The following NBPF3 variants were observed in gnomAD, a reference collection of about 807,000 sequenced individuals.
NBPF3 encodes the protein NBPF member 3, also known as NBPF family member NBPF3.
Under a neutral mutation model 78.1 loss-of-function variants are expected in NBPF3, and 57 were observed. The ratio of observed to expected loss-of-function variants is 0.73; its 90% CI spans 0.59 to 0.91. NBPF3 has a LOEUF of 0.91. Ranked by LOEUF, NBPF3 falls within the 40% of genes least tolerant of loss-of-function variation. The pLI is 0.00. For synonymous variants in NBPF3, 182 were observed against 271.7 expected (o/e 0.67, Z 3.25); for missense variants, 510 against 715.3 (o/e 0.71, Z 3.27).
intron 8 of NBPF3, among the ~76,000 whole-genome samples, 187 bp downstream of exon 8, chr1:21,475,138 A>G (rs1344801454): frequency 6.6e-6 from 1 of 152,156 alleles, no homozygotes; most frequent in Non-Finnish European, 1.5e-5. Context: ...TCCTCTCAAG[A>G]TAGGAACTTG....
chr1:21,450,155 G>A (rs546712312), intron 2 of NBPF3, among the ~76,000 whole-genome samples: 4 of 104,628 alleles, frequency 3.8e-5, no homozygotes, highest in African/African-American at 1.2e-4. Context: ...TGGGCTGGCT[G>A]TGTTTTTTTT....
At chr1:21,479,257 G>A in intron 9 of NBPF3, 92 bp from the exon 10 acceptor site, 3 of 1,318,138 alleles carry the variant, frequency 2.3e-6, no homozygotes, top group Non-Finnish European at 2.2e-6. Context: ...TGAGAAGACT[G>A]ATGTCCCTGT....
intron 11 of NBPF3, 118 bp from the exon 12 acceptor site, chr1:21,480,812 A>G: frequency 1.5e-6 from 1 of 679,318 alleles, no homozygotes; most frequent in South Asian, 1.5e-5. Flanking sequence ...TATCTCTCAC[A>G]TTGTCCTGTT....
chr1:21,448,104 A>G (rs1641094544), intron 2 of NBPF3, among the ~76,000 whole-genome samples: 3 of 152,060 alleles, frequency 2.0e-5, no homozygotes, highest in African/African-American at 7.2e-5. Context: ...TTCTCTTGAC[A>G]GTGTCTTTCA....
Position 21,480,038 on chromosome 1 carries a change from C to G in NBPF3, c.1209-13C>G, listed in dbSNP as rs745342087. 189 of 1,118,652 alleles carry G rather than the reference C, an allele frequency of 1.7e-4. No individual in the cohort carries two copies. The Admixed American group carries it at 3.2e-3, about 19-fold the overall frequency. 69.3% of individuals were successfully genotyped at this position (1,118,652 alleles called of 1,614,324 possible). A position where few individuals can be genotyped will look rare whatever the true frequency, so the allele number is the denominator to read the frequency against. Reference sequence around the variant, plus strand: ...TCCCCCTGGCTTATTCTTTACTTTTCCTACTTTTCCAGGCTCAGCAGGGAG... The same window carrying G: ...TCCCCCTGGCTTATTCTTTACTTTTGCTACTTTTCCAGGCTCAGCAGGGAG... On this transcript the variant is annotated splice_polypyrimidine_tract_variant and intron_variant, in intron 10 of 14. Coordinates refer to ENST00000318249, the MANE Select transcript of NBPF3 (RefSeq NM_032264.6).
intron 8 of NBPF3, among the ~76,000 whole-genome samples, chr1:21,475,335 G>A (rs1182366715): frequency 2.0e-5 from 3 of 152,136 alleles, no homozygotes; most frequent in Non-Finnish European, 4.4e-5. Flanking sequence ...TGCTTCTCTA[G>A]TTCTTTTAAT....
rs766796014 is a variant in NBPF3 at position 21,479,820 on chromosome 1, C to CTCTCTGTGTGTGTGTGTGTGTGTG, written c.1209-230_1209-229insCTCTGTGTGTGTGTGTGTGTGTGT. On this transcript the variant is annotated intron_variant, in intron 10 of 14. Coordinates refer to ENST00000318249, the MANE Select transcript of NBPF3 (RefSeq NM_032264.6). ...TCTCTCTCTCTCTCTCTCTCTCTCT[C>CTCTCTGTGTGTGTGTGTGTGTGTG]TGTGTGTGTGTGTGTGTGTGTGTGT... 2.4e-3 allele frequency among the ~76,000 whole-genome samples: 248 copies of CTCTCTGTGTGTGTGTGTGTGTGTG among 102,748 alleles called. 2 individuals are homozygous for CTCTCTGTGTGTGTGTGTGTGTGTG. Among genetic ancestry groups the CTCTCTGTGTGTGTGTGTGTGTGTG allele is most frequent in the African/African-American group, 6.4e-3 (189 of 29,726 alleles). 67.4% of individuals were successfully genotyped at this position (102,748 alleles called of 152,430 possible).
intron 2 of NBPF3, chr1:21,449,933 AT>A (rs1641211363): frequency 6.5e-6 from 2 of 308,822 alleles, no homozygotes; most frequent in Non-Finnish European, 9.5e-6. Context: ...TGATTGATTG[AT>A]TGATTGATGG....
chr1:21,445,144 GA>G lies in NBPF3; in HGVS notation c.61del (p.Thr21LeufsTer51). On this transcript the variant is annotated frameshift_variant, in exon 2 of 15. Coordinates refer to ENST00000318249, the MANE Select transcript of NBPF3 (RefSeq NM_032264.6). LOFTEE classifies it high-confidence loss of function. ...GTGGACTCTCCGAGGCCCTGATGTA[GA>G]AACTTCCCCATTCGGTGCACCAAGA... ...FQWTLRGPDV[E>X]TSPFGAPRAA... 6.2e-7 allele frequency: 1 copy of G among 1,611,914 alleles called. No individual in the cohort carries two copies. The highest frequency in any genetic ancestry group is 8.5e-7 in the Non-Finnish European group (1 of 1,179,836).
chr1:21,483,091 T>G, intron 14 of NBPF3, 52 bp from the exon 15 acceptor site: 2 of 1,610,810 alleles, frequency 1.2e-6, no homozygotes, highest in South Asian at 2.2e-5. Flanking sequence ...GTTGGGGCTC[T>G]GTGGTGTCTG....
intron 8 of NBPF3, among the ~76,000 whole-genome samples, chr1:21,475,704 A>G (rs1312647148): frequency 4.6e-5 from 7 of 152,182 alleles, no homozygotes; most frequent in Non-Finnish European, 1.0e-4. Context: ...TATGTGGTCA[A>G]TTTTGGAATA....
chr1:21,439,835 T>C (rs557994606), upstream of NBPF3, among the ~76,000 whole-genome samples: 3 of 152,154 alleles, frequency 2.0e-5, no homozygotes, highest in Non-Finnish European at 2.9e-5. Context: ...TTCTGCTTCT[T>C]TAACCTGGCA....
chr1:21,474,130 C>A (rs1642758654), intron 7 of NBPF3, among the ~76,000 whole-genome samples: 1 of 152,182 alleles, frequency 6.6e-6, no homozygotes, highest in South Asian at 2.1e-4. Flanking sequence ...TTCTCCACCC[C>A]ATCAATGCAA....
At chr1:21,445,946 T>C (rs1233938690) in intron 2 of NBPF3, 1 of 152,416 alleles carries the variant, frequency 6.6e-6, no homozygotes, top group African/African-American at 2.4e-5. Context: ...CTCAGGTCAG[T>C]ACCCCACGGA....
chr1:21,473,258 C>G lies in NBPF3; in HGVS notation c.735-122C>G, dbSNP rs546949474. ...ATTGCCTGTTCCCTCTTAAAGGGATCCTCCTGTTTGCTTTCTTGGACCACT... is the reference window on the plus strand; with the variant it reads ...ATTGCCTGTTCCCTCTTAAAGGGATGCTCCTGTTTGCTTTCTTGGACCACT... On this transcript the variant is annotated intron_variant, in intron 6 of 14. Coordinates refer to ENST00000318249, the MANE Select transcript of NBPF3 (RefSeq NM_032264.6). The G allele has an allele frequency of 1.4e-4, 170 of 1,197,558 alleles. No homozygotes were observed. The African/African-American group carries it at 2.2e-3, about 15-fold the overall frequency. The allele number at this position is 1,197,558 out of a possible 1,614,324, so 74.2% of individuals were successfully genotyped here. A position where few individuals can be genotyped will look rare whatever the true frequency, so the allele number is the denominator to read the frequency against.
At chr1:21,468,341 C>G in intron 2 of NBPF3, 1 of 1,156,076 alleles carries the variant, frequency 8.6e-7, no homozygotes, top group Non-Finnish European at 1.1e-6. Context: ...TCAGGTGAGA[C>G]GAGGGTGCCT....
At position 21,468,727 on chromosome 1, in the gene NBPF3, T is replaced by G. The variant is rs1642414836; in HGVS notation, c.173T>G (p.Val58Gly). ...PTSSATNVSM[V>G]VSAGPWSGEK... ...TCTTCTGCCACAAACGTCAGCATGG[T>G]GGTATCTGCCGGCCCTTGGTCCGGT... The change falls in exon 3 of 15, where the codon GTG becomes GGG. Residue 58 changes from valine (V) to glycine (G), a missense_variant. Physicochemically the swap from Val to Gly is moderately radical, Grantham distance 109. Transcript: ENST00000318249. 1 of 1,613,330 alleles carries G rather than the reference T, an allele frequency of 6.2e-7. No individual in the cohort carries two copies. The highest frequency in any genetic ancestry group is 1.3e-5 in the African/African-American group (1 of 74,884).
chr1:21,437,211 TGA>T (rs1259593462), upstream of NBPF3, among the ~76,000 whole-genome samples: 2 of 150,734 alleles, frequency 1.3e-5, no homozygotes, highest in Admixed American at 1.3e-4. Context: ...GGGAGGAGTC[TGA>T]GAGTGGAACC....
rs1642598675 is a variant in NBPF3 at position 21,471,630 on chromosome 1, C to T, written c.508C>T (p.Gln170Ter). The change falls in exon 5 of 15, where the codon CAG becomes TAG. Residue 170 changes from glutamine to a stop codon, truncating the protein, a stop_gained. Coordinates refer to ENST00000318249, the MANE Select transcript of NBPF3 (RefSeq NM_032264.6). LOFTEE classifies it high-confidence loss of function. ...RELTQLREKL[Q>*]EGRDASRSLN... ...GCTGACCCAGTTAAGGGAGAAGTTACAGGAAGGGAGAGATGCCTCCCGCTC... is the reference window on the plus strand; with the variant it reads ...GCTGACCCAGTTAAGGGAGAAGTTATAGGAAGGGAGAGATGCCTCCCGCTC... 3 of 1,612,532 alleles carry T rather than the reference C, an allele frequency of 1.9e-6. No homozygotes were observed. Among genetic ancestry groups the T allele is most frequent in the East Asian group, 2.2e-5 (1 of 44,876 alleles).
Sources: allele counts gnomAD v4.1 joint callset (sites outside exome capture counted in the v4.1 genomes callset), GRCh38; gene constraint gnomAD v4.1.1; transcripts MANE v1.5; gene names NCBI Gene and HGNC (gene_info 2026-07-23, HGNC 2026-07-21).